LAMA1: variants seen among roughly 807,000 people sequenced by gnomAD.
The protein encoded by LAMA1 is laminin subunit alpha-1.
LAMA1 carries 219 observed loss-of-function variants against 348.7 expected under a neutral mutation model. That is an observed-to-expected ratio of 0.63 (90% CI 0.56 to 0.70). LAMA1 has a LOEUF of 0.70. Ranked by LOEUF, LAMA1 falls within the 30% of genes least tolerant of loss-of-function variation. The pLI is 0.00. For missense variants in LAMA1, 3,744 were observed against 3,888.0 expected (o/e 0.96, Z 0.99); for synonymous variants, 1,487 against 1,491.0 (o/e 1.00, Z 0.06).
At chr18:6,968,841 T>A (rs974663254) in intron 48 of LAMA1, among the ~76,000 whole-genome samples, 3 of 152,166 alleles carry the variant, frequency 2.0e-5, no homozygotes, top group Non-Finnish European at 2.9e-5. Flanking sequence ...CAGTCAAAAA[T>A]TTTTTAAAAA....
intron 30 of LAMA1, among the ~76,000 whole-genome samples, chr18:7,000,412 C>T (rs940079512): frequency 6.6e-5 from 10 of 152,178 alleles, no homozygotes; most frequent in East Asian, 1.9e-4. Flanking sequence ...CACACGCTGA[C>T]GAAAAGAACT....
At chr18:7,060,102 A>G (rs1476767267) in intron 3 of LAMA1, among the ~76,000 whole-genome samples, 3 of 152,240 alleles carry the variant, frequency 2.0e-5, no homozygotes, top group Non-Finnish European at 4.4e-5. Flanking sequence ...CAGCACGTGA[A>G]GTGGCAACAA....
At chr18:6,995,885 C>T (rs1658088593) in intron 33 of LAMA1, among the ~76,000 whole-genome samples, 1 of 152,038 alleles carries the variant, frequency 6.6e-6, no homozygotes, top group African/African-American at 2.4e-5. Context: ...TGCCAACAGC[C>T]TTCTAATTTC....
In LAMA1 at chr18:7,024,362, C is replaced by G. The variant is rs777094025; in HGVS notation, c.2489+18G>C. ...ATTTAATTTCGAAAATGTGTTGAAG[C>G]CAGTGGATGCAGAGTACCTCTCACA... is the stretch of plus-strand genomic sequence containing the variant. On this transcript the variant is annotated intron_variant, in intron 18 of 62. Transcript: ENST00000389658. 9 of 1,599,576 alleles carry G rather than the reference C, an allele frequency of 5.6e-6. No individual in the cohort carries two copies. The South Asian group carries it at 9.9e-5, about 18-fold the overall frequency.
At position 6,978,098 on chromosome 18, in the gene LAMA1, T is replaced by C. The variant is rs1600366198; in HGVS notation, c.6190+98A>G. On this transcript the variant is annotated intron_variant, in intron 43 of 62. Transcript: ENST00000389658. Reference sequence around the variant, plus strand: ...TCCAGATGTTAGCATACTTCTACTTTTCAGGAATGTTGTGAAAAACGCACC... The same window carrying C: ...TCCAGATGTTAGCATACTTCTACTTCTCAGGAATGTTGTGAAAAACGCACC... 13 of 1,504,538 alleles carry C rather than the reference T, an allele frequency of 8.6e-6. No individual in the cohort carries two copies. In the East Asian group the frequency reaches 2.9e-4, roughly 34 times the overall value. The allele number at this position is 1,504,538 out of a possible 1,614,324, so 93.2% of individuals were successfully genotyped here.
At chr18:7,046,075 G>T (rs1479698643) in intron 6 of LAMA1, among the ~76,000 whole-genome samples, 1 of 151,412 alleles carries the variant, frequency 6.6e-6, no homozygotes, top group Non-Finnish European at 1.5e-5. Flanking sequence ...AAAAATCATT[G>T]TAAGAACTTA....
intron 29 of LAMA1, among the ~76,000 whole-genome samples, chr18:7,003,774 T>C (rs1396539291): frequency 2.0e-5 from 3 of 152,162 alleles, no homozygotes; most frequent in African/African-American, 4.8e-5. Flanking sequence ...TGAGAGGTGA[T>C]ACAGAAAGAC....
chr18:6,946,243 G>C (rs2057520879), intron 61 of LAMA1, among the ~76,000 whole-genome samples: 1 of 152,056 alleles, frequency 6.6e-6, no homozygotes, highest in Non-Finnish European at 1.5e-5. Context: ...CCCAAGATCA[G>C]GCTGAGTGTG....
intron 12 of LAMA1, among the ~76,000 whole-genome samples, chr18:7,036,850 T>G (rs141946680): frequency 6.6e-6 from 1 of 150,824 alleles, no homozygotes; most frequent in Non-Finnish European, 1.5e-5. Flanking sequence ...GCCATTACTT[T>G]AAAACAAAAC....
chr18:7,097,499 C>CTT (rs10566387), intron 1 of LAMA1, among the ~76,000 whole-genome samples: 168 of 109,848 alleles, frequency 1.5e-3, no homozygotes, highest in Middle Eastern at 4.7e-3. Context: ...TCTCAGCTGG[C>CTT]TTTTTTTTTT....
Position 7,013,989 on chromosome 18 carries a change from G to C in LAMA1, c.3189C>G (p.Cys1063Trp). Residue 1063 changes from cysteine (C) to tryptophan (W), a missense_variant, in exon 23 of 63, where the codon TGC (cysteine) becomes TGG (tryptophan). Transcript: ENST00000389658. Reference sequence around the variant, plus strand: ...GGCCACCAAATTTTGACTTGCACTGGCAATGGCCGGTGACCACATCGCACC... The same window carrying C: ...GGCCACCAAATTTTGACTTGCACTGCCAATGGCCGGTGACCACATCGCACC... ...HHRCDVVTGH[C>W]QCKSKFGGRA... 1 of 1,613,854 alleles carries C rather than the reference G, an allele frequency of 6.2e-7. No homozygotes were observed. The highest frequency in any genetic ancestry group is 8.5e-7 in the Non-Finnish European group (1 of 1,179,892).
chr18:7,077,345 G>A (rs1424704651), intron 3 of LAMA1, among the ~76,000 whole-genome samples: 2 of 151,876 alleles, frequency 1.3e-5, no homozygotes, highest in African/African-American at 4.8e-5. Context: ...GGGACTACAG[G>A]TGCCCACCAC....
At chr18:6,977,626 C>A in intron 44 of LAMA1, 101 bp downstream of exon 44, 1 of 1,413,152 alleles carries the variant, frequency 7.1e-7, no homozygotes, top group Non-Finnish European at 9.8e-7. Flanking sequence ...TTTGGAAGCC[C>A]TAAGGGGCGC....
At chr18:7,031,919 C>T (rs1230329871) in intron 16 of LAMA1, 147 bp downstream of exon 16, 1 of 532,480 alleles carries the variant, frequency 1.9e-6, no homozygotes, top group African/African-American at 2.0e-5. Flanking sequence ...CATTTCATGA[C>T]ATGAGCTTAA....
chr18:6,948,356 T>C, intron 60 of LAMA1, 47 bp downstream of exon 60: 1 of 1,613,200 alleles, frequency 6.2e-7, no homozygotes, highest in African/African-American at 1.3e-5. Flanking sequence ...CGCTTTAGAG[T>C]ACAGACTCAT....
intron 55 of LAMA1, among the ~76,000 whole-genome samples, chr18:6,958,089 T>C (rs1194902786): frequency 2.6e-5 from 4 of 152,148 alleles, no homozygotes; most frequent in Admixed American, 6.5e-5. Flanking sequence ...GGGAAGCCAT[T>C]GATAACCTGA....
chr18:6,977,812 G>C lies in LAMA1; in HGVS notation c.6260C>G (p.Pro2087Arg). Residue 2087 changes from proline to arginine, a missense_variant, in exon 44 of 63, where the codon CCT (proline) becomes CGT (arginine). Pro to Arg is a moderately radical substitution (Grantham distance 103). This residue lies in a region of LAMA1 where 1,983 missense variants were observed against 1,934.3 expected (regional missense o/e 1.03). Coordinates refer to ENST00000389658, the MANE Select transcript of LAMA1 (RefSeq NM_005559.4). ...CAGATTCTCCTCTAACATCTTCAAA[G>C]GCTTCAACCGATCAAACAAAAGGTT... ...QANLLFDRLK[P>R]LKMLEENLSR... The C allele has an allele frequency of 6.2e-7, 1 of 1,614,004 alleles. No individual in the cohort carries two copies. The highest frequency in any genetic ancestry group is 2.2e-5 in the East Asian group (1 of 44,896).
intron 3 of LAMA1, among the ~76,000 whole-genome samples, chr18:7,055,134 G>A (rs561662534): frequency 0.016 from 2,474 of 151,608 alleles, 62 homozygotes; most frequent in African/African-American, 0.057. Context: ...GTGTGTGTGT[G>A]TGTGTAAATA....
At chr18:7,044,654 A>G in intron 7 of LAMA1, 68 bp downstream of exon 7, 1 of 1,213,504 alleles carries the variant, frequency 8.2e-7, no homozygotes, top group Non-Finnish European at 1.2e-6. Context: ...AAAGTTGTTA[A>G]GACACCATAA....
Sources: gnomAD v4.1 joint callset for allele counts (sites outside exome capture counted in the v4.1 genomes callset) on GRCh38, gnomAD v4.1.1 for gene constraint, gnomAD v4.1.1 regional missense constraint, MANE v1.5 for transcripts, NCBI Gene and HGNC (gene_info 2026-07-23, HGNC 2026-07-21) for gene names.